Variants in SH3RF3 observed in about 807,000 individuals in gnomAD.
SH3RF3 encodes the protein SH3 domain containing ring finger 3.
A neutral mutation model predicts 66.3 loss-of-function variants in SH3RF3; 29 were observed. The observed-to-expected ratio is 0.44, with a 90% CI of 0.33 to 0.60. SH3RF3 has a LOEUF of 0.60. SH3RF3 is among the 20% of genes least tolerant of loss of function. The pLI is 0.04. For missense variants in SH3RF3, 1,194 were observed against 1,190.9 expected (o/e 1.00, Z -0.04); for synonymous variants, 583 against 532.0 (o/e 1.10, Z -1.32).
chr2:109,412,100 C>CA (rs1676605735), intron 4 of SH3RF3, among the ~76,000 whole-genome samples: 1 of 152,242 alleles, frequency 6.6e-6, no homozygotes, highest in African/African-American at 2.4e-5. Context: ...ACGTTGGACT[C>CA]ACGCAGGGCA....
Position 109,138,161 on chromosome 2 carries a change from G to A in SH3RF3, c.573+8048G>A, listed in dbSNP as rs374302465. 5.6e-4 allele frequency among the ~76,000 whole-genome samples: 85 copies of A among 152,220 alleles called. 1 individual carries two copies. The highest frequency in any genetic ancestry group is 1.5e-3 in the African/African-American group (63 of 41,534). ...CTCCCAAGTGGCTGGGACTATAGGC[G>A]AGCACCACCACGCCCGGCTAACGCC... is the stretch of plus-strand genomic sequence containing the variant. On this transcript the variant is annotated intron_variant, in intron 1 of 9. Coordinates refer to ENST00000309415, the MANE Select transcript of SH3RF3 (RefSeq NM_001099289.3).
At position 109,315,751 on chromosome 2, in the gene SH3RF3, G is replaced by T. The variant is rs553327086; in HGVS notation, c.574-31923G>T. 8.5e-5 allele frequency among the ~76,000 whole-genome samples: 13 copies of T among 152,330 alleles called. No homozygotes were observed. The South Asian group carries it at 2.7e-3, about 32-fold the overall frequency. Reference sequence around the variant, plus strand: ...TTTCATCTCATTATGTCTGGCTATTGTGACATTTAGAGTATTCAGGTGAAT... The same window carrying T: ...TTTCATCTCATTATGTCTGGCTATTTTGACATTTAGAGTATTCAGGTGAAT... On this transcript the variant is annotated intron_variant, in intron 1 of 9. Coordinates refer to ENST00000309415, the MANE Select transcript of SH3RF3 (RefSeq NM_001099289.3).
chr2:109,495,362 T>C (rs1444181098), intron 9 of SH3RF3, among the ~76,000 whole-genome samples: 2 of 152,102 alleles, frequency 1.3e-5, no homozygotes, highest in Non-Finnish European at 2.9e-5. Flanking sequence ...GCCCACTGGA[T>C]GCCTGCCTCC....
At chr2:109,465,794 G>A (rs7369295) in intron 8 of SH3RF3, among the ~76,000 whole-genome samples, 72,463 of 151,848 alleles carry the variant, frequency 0.48, 18,779 homozygotes, top group Non-Finnish European at 0.56. Context: ...AGGGGAGGGA[G>A]GAGGTGCTAT....
chr2:109,299,857 C>T (rs1681413570), intron 1 of SH3RF3, among the ~76,000 whole-genome samples: 1 of 152,128 alleles, frequency 6.6e-6, no homozygotes, highest in Non-Finnish European at 1.5e-5. Flanking sequence ...CCAGGCTGAA[C>T]ATTCAATTAA....
intron 1 of SH3RF3, among the ~76,000 whole-genome samples, chr2:109,173,630 G>A (rs1431412766): frequency 1.3e-5 from 2 of 152,056 alleles, no homozygotes; most frequent in Non-Finnish European, 2.9e-5. Context: ...GCCCTTTCAT[G>A]GACCCCTGCT....
At chr2:109,332,706 C>T (rs561812421) in intron 1 of SH3RF3, among the ~76,000 whole-genome samples, 147 of 152,250 alleles carry the variant, frequency 9.7e-4, no homozygotes, top group Non-Finnish European at 1.8e-3. Flanking sequence ...TGATTCCTGC[C>T]GAGCTTCCTA....
intron 1 of SH3RF3, among the ~76,000 whole-genome samples, chr2:109,159,112 G>A (rs148372942): frequency 2.0e-5 from 3 of 148,530 alleles, no homozygotes; most frequent in South Asian, 4.5e-4. Context: ...GTGAGATTCG[G>A]TCTCAAAACA....
chr2:109,316,833 C>T (rs1455185504), intron 1 of SH3RF3, among the ~76,000 whole-genome samples: 2 of 152,216 alleles, frequency 1.3e-5, no homozygotes, highest in African/African-American at 2.4e-5. Flanking sequence ...CCTCTGGCTG[C>T]CGTGGGTCTT....
At chr2:109,443,342 C>T (rs1180196856) in intron 7 of SH3RF3, among the ~76,000 whole-genome samples, 1 of 152,172 alleles carries the variant, frequency 6.6e-6, no homozygotes, top group Non-Finnish European at 1.5e-5. Context: ...CTGTGTTGCC[C>T]CCTATCGGCT....
chr2:109,412,272 T>G (rs186193183), intron 4 of SH3RF3, among the ~76,000 whole-genome samples: 1 of 152,334 alleles, frequency 6.6e-6, no homozygotes, highest in Non-Finnish European at 1.5e-5. Flanking sequence ...ATTGCCCCCC[T>G]TTCATTGGAG....
At chr2:109,383,013 G>A (rs1334940100) in intron 3 of SH3RF3, among the ~76,000 whole-genome samples, 4 of 152,190 alleles carry the variant, frequency 2.6e-5, no homozygotes, top group East Asian at 1.9e-4. Context: ...CCTGGAGATC[G>A]GCCTTAGGAA....
chr2:109,457,697 C>T (rs768171555), intron 8 of SH3RF3, among the ~76,000 whole-genome samples: 14 of 152,256 alleles, frequency 9.2e-5, no homozygotes, highest in Admixed American at 1.3e-4. Context: ...ACTGCTGTGA[C>T]TGCCTTCTTT....
intron 6 of SH3RF3, among the ~76,000 whole-genome samples, chr2:109,433,211 G>A (rs1319357540): frequency 6.6e-6 from 1 of 152,256 alleles, no homozygotes; most frequent in Non-Finnish European, 1.5e-5. Context: ...TGTGCAGTGT[G>A]TGTCATCATA....
At chr2:109,432,722 C>A (rs1048316641) in intron 6 of SH3RF3, 51 bp downstream of exon 6, 1 of 1,563,256 alleles carries the variant, frequency 6.4e-7, no homozygotes, top group South Asian at 1.2e-5. Context: ...AGGGCCTGCA[C>A]GCCTTACCGC....
chr2:109,343,189 C>T (rs972386914), intron 1 of SH3RF3, among the ~76,000 whole-genome samples: 2 of 152,264 alleles, frequency 1.3e-5, no homozygotes, highest in Non-Finnish European at 2.9e-5. Context: ...CCCATAATAG[C>T]ATCTGCCTGC....
Position 109,138,156 on chromosome 2 carries a change from T to C in SH3RF3, c.573+8043T>C, listed in dbSNP as rs144356566. Among the ~76,000 whole-genome samples the C allele has an allele frequency of 7.8e-3, 1,193 of 152,278 alleles. 12 individuals are homozygous for C. The highest frequency in any genetic ancestry group is 0.034 in the East Asian group (176 of 5,174). ...TCAGCCTCCCAAGTGGCTGGGACTATAGGCGAGCACCACCACGCCCGGCTA... is the reference window on the plus strand; with the variant it reads ...TCAGCCTCCCAAGTGGCTGGGACTACAGGCGAGCACCACCACGCCCGGCTA... On this transcript the variant is annotated intron_variant, in intron 1 of 9. Coordinates refer to ENST00000309415, the MANE Select transcript of SH3RF3 (RefSeq NM_001099289.3).
At chr2:109,239,298 T>C (rs924760446) in intron 1 of SH3RF3, among the ~76,000 whole-genome samples, 1 of 152,174 alleles carries the variant, frequency 6.6e-6, no homozygotes, top group Non-Finnish European at 1.5e-5. Context: ...GTATGGAAGC[T>C]TTTATCCCTT....
At chr2:109,325,093 C>T (rs983576480) in intron 1 of SH3RF3, among the ~76,000 whole-genome samples, 1 of 152,112 alleles carries the variant, frequency 6.6e-6, no homozygotes, top group African/African-American at 2.4e-5. Flanking sequence ...GATGCCATGG[C>T]TCTGACAAGG....
Sources: gnomAD v4.1 joint callset for allele counts (sites outside exome capture counted in the v4.1 genomes callset) on GRCh38, gnomAD v4.1.1 for gene constraint, MANE v1.5 for transcripts, NCBI Gene and HGNC (gene_info 2026-07-23, HGNC 2026-07-21) for gene names.